COLQ: variants seen among roughly 807,000 people sequenced by gnomAD.
COLQ encodes acetylcholinesterase collagenic tail peptide.
Under a neutral mutation model 69.0 loss-of-function variants are expected in COLQ, and 48 were observed. That is an observed-to-expected ratio of 0.70 (90% CI 0.55 to 0.88). The LOEUF is 0.88. Among genes scored for constraint, COLQ ranks in the 40% least tolerant of loss-of-function variants. COLQ has a pLI of 0.00. For missense variants in COLQ, 618 were observed against 594.6 expected (o/e 1.04, Z -0.41); for synonymous variants, 217 against 211.2 (o/e 1.03, Z -0.24).
intron 1 of COLQ, among the ~76,000 whole-genome samples, chr3:15,515,124 T>A (rs1317009687): frequency 2.0e-5 from 3 of 152,206 alleles, no homozygotes; most frequent in Non-Finnish European, 4.4e-5. Context: ...TAGGACTGGA[T>A]AAGTTCTCAG....
intron 1 of COLQ, among the ~76,000 whole-genome samples, chr3:15,517,997 G>A (rs1195222008): frequency 1.3e-5 from 2 of 152,164 alleles, no homozygotes; most frequent in Non-Finnish European, 2.9e-5. Context: ...CCAGGTTGGA[G>A]TGCAATGGCG....
chr3:15,505,611 C>T (rs1196624375), intron 1 of COLQ, among the ~76,000 whole-genome samples: 1 of 152,236 alleles, frequency 6.6e-6, no homozygotes, highest in African/African-American at 2.4e-5. Flanking sequence ...GCTGGCTGCG[C>T]CTTGACTCTG....
At chr3:15,464,240 G>T (rs980299374) in intron 12 of COLQ, among the ~76,000 whole-genome samples, 2 of 152,182 alleles carry the variant, frequency 1.3e-5, no homozygotes, top group Non-Finnish European at 2.9e-5. Flanking sequence ...TGGTTGTGGG[G>T]TGCTCCTTGG....
intron 6 of COLQ, 96 bp downstream of exon 6, chr3:15,477,030 G>A: frequency 8.5e-7 from 1 of 1,180,826 alleles, no homozygotes; most frequent in South Asian, 1.3e-5. Context: ...TCTTGAAGAA[G>A]GGATTCCCTG....
At chr3:15,482,341 C>T (rs1353483560) in intron 3 of COLQ, among the ~76,000 whole-genome samples, 7 of 152,188 alleles carry the variant, frequency 4.6e-5, no homozygotes, top group South Asian at 2.1e-4. Context: ...ATATTGGCTA[C>T]GGGTTTGTCA....
At chr3:15,459,476 T>A (rs1247336256) in intron 12 of COLQ, among the ~76,000 whole-genome samples, 1 of 148,164 alleles carries the variant, frequency 6.7e-6, no homozygotes, top group African/African-American at 2.6e-5. Context: ...GCATAAGGCA[T>A]CCTTTTTTTT....
intron 3 of COLQ, among the ~76,000 whole-genome samples, chr3:15,485,676 G>C (rs2062561626): frequency 6.6e-6 from 1 of 152,208 alleles, no homozygotes; most frequent in Non-Finnish European, 1.5e-5. Flanking sequence ...AACAACCTCA[G>C]GCTGGGTGGG....
chr3:15,498,363 C>T, intron 1 of COLQ: 1 of 742,400 alleles, frequency 1.3e-6, no homozygotes, highest in Non-Finnish European at 2.1e-6. Flanking sequence ...TGAGAAACAG[C>T]CCTGTGAAAG....
chr3:15,484,508 T>C (rs1332042661), intron 3 of COLQ, among the ~76,000 whole-genome samples: 1 of 152,194 alleles, frequency 6.6e-6, no homozygotes, highest in Non-Finnish European at 1.5e-5. Flanking sequence ...TCCTGAAGAG[T>C]GTTTTCCAAC....
chr3:15,456,857 C>T (rs1484937336), intron 13 of COLQ, among the ~76,000 whole-genome samples: 1 of 151,920 alleles, frequency 6.6e-6, no homozygotes, highest in Non-Finnish European at 1.5e-5. Flanking sequence ...GAGTCTCACG[C>T]GGTTGCCCAG....
At chr3:15,461,285 A>G (rs1212975529) in intron 12 of COLQ, among the ~76,000 whole-genome samples, 3 of 151,312 alleles carry the variant, frequency 2.0e-5, no homozygotes, top group South Asian at 4.2e-4. Context: ...GGTCCCACAG[A>G]GCTGGGCACC....
In COLQ at chr3:15,456,596, T is replaced by C; in HGVS notation, c.955-17A>G. The C allele has an allele frequency of 6.2e-7, 1 of 1,613,540 alleles. No homozygotes were observed. Among genetic ancestry groups the C allele is most frequent in the Non-Finnish European group, 8.5e-7 (1 of 1,179,996 alleles). On this transcript the variant is annotated splice_polypyrimidine_tract_variant and intron_variant, in intron 13 of 16. Coordinates refer to ENST00000383788, the MANE Select transcript of COLQ (RefSeq NM_005677.4). ...CACAAAAATCTGCCAGAGAACACAC[T>C]GGTGAGGATTCCAGAAAACACTTCT... is the stretch of plus-strand genomic sequence containing the variant.
At chr3:15,456,708 ACT>A in intron 13 of COLQ, 129 bp from the exon 14 acceptor site, 1 of 1,178,708 alleles carries the variant, frequency 8.5e-7, no homozygotes, top group Non-Finnish European at 1.2e-6. Flanking sequence ...TGCACACTAC[ACT>A]CTAGCATTCC....
chr3:15,507,192 G>A (rs918579496), intron 1 of COLQ, among the ~76,000 whole-genome samples: 15 of 152,284 alleles, frequency 9.9e-5, no homozygotes, highest in African/African-American at 3.6e-4. Context: ...TGGATGATTT[G>A]CAAACATCTG....
chr3:15,485,810 T>C (rs768273001), intron 3 of COLQ, among the ~76,000 whole-genome samples: 1 of 152,100 alleles, frequency 6.6e-6, no homozygotes, highest in Non-Finnish European at 1.5e-5. Flanking sequence ...ATTAAGAAAT[T>C]AGCCAGGCAT....
At chr3:15,515,082 G>A (rs973916237) in intron 1 of COLQ, among the ~76,000 whole-genome samples, 7 of 152,130 alleles carry the variant, frequency 4.6e-5, no homozygotes, top group African/African-American at 1.7e-4. Flanking sequence ...CACAAACTCC[G>A]TCTCTGTCCC....
intron 3 of COLQ, among the ~76,000 whole-genome samples, chr3:15,486,997 G>C (rs1320567806): frequency 6.6e-6 from 1 of 152,202 alleles, no homozygotes; most frequent in East Asian, 1.9e-4. Context: ...TTTGCCGCAG[G>C]ATTTGATCCA....
chr3:15,490,962 A>C (rs763313589), intron 1 of COLQ, among the ~76,000 whole-genome samples: 3 of 152,006 alleles, frequency 2.0e-5, no homozygotes, highest in Non-Finnish European at 4.4e-5. Flanking sequence ...CCAAGCTTGA[A>C]TCTCCTCCCC....
chr3:15,454,040 C>G, intron 15 of COLQ, 109 bp from the exon 16 acceptor site: 1 of 748,740 alleles, frequency 1.3e-6, no homozygotes, highest in Non-Finnish European at 2.4e-6. Context: ...TGCTGCACCC[C>G]TTAAAGAACT....
Sources: allele counts gnomAD v4.1 joint callset (sites outside exome capture counted in the v4.1 genomes callset), GRCh38; gene constraint gnomAD v4.1.1; transcripts MANE v1.5; gene names NCBI Gene and HGNC (gene_info 2026-07-23, HGNC 2026-07-21).